DACH1: variants seen among roughly 807,000 people sequenced by gnomAD.
DACH1 encodes dachshund homolog 1.
A neutral mutation model predicts 54.2 loss-of-function variants in DACH1; 12 were observed. That is an observed-to-expected ratio of 0.22 (90% CI 0.14 to 0.36). DACH1 has a LOEUF of 0.36. Ranked by LOEUF, DACH1 falls within the 10% of genes least tolerant of loss-of-function variation. DACH1 has a pLI of 1.00. For missense variants in DACH1, 805 were observed against 929.8 expected (o/e 0.87, Z 1.75); for synonymous variants, 386 against 366.2 (o/e 1.05, Z -0.62).
chr13:71,763,625 G>C (rs1353526967), intron 1 of DACH1, among the ~76,000 whole-genome samples: 1 of 151,740 alleles, frequency 6.6e-6, no homozygotes, highest in East Asian at 1.9e-4. Flanking sequence ...AGCCTCCTAA[G>C]TAGCTAAGAC....
chr13:71,588,220 T>C (rs538883853), intron 3 of DACH1, among the ~76,000 whole-genome samples: 1 of 152,230 alleles, frequency 6.6e-6, no homozygotes, highest in South Asian at 2.1e-4. Context: ...ACTGCAGCTT[T>C]ATCACAGGAC....
At chr13:71,561,974 C>T (rs368363385) in intron 4 of DACH1, among the ~76,000 whole-genome samples, 2 of 148,904 alleles carry the variant, frequency 1.3e-5, no homozygotes, top group South Asian at 2.1e-4. Context: ...AAAAAAAAAG[C>T]GCTATAAGAA....
chr13:71,659,413 A>T (rs1011294275), intron 2 of DACH1, among the ~76,000 whole-genome samples: 1 of 152,182 alleles, frequency 6.6e-6, no homozygotes, highest in South Asian at 2.1e-4. Context: ...TGTATTTCCA[A>T]TGATGAAGTC....
chr13:71,783,211 C>G (rs1044787042), intron 1 of DACH1, among the ~76,000 whole-genome samples: 1 of 152,140 alleles, frequency 6.6e-6, no homozygotes, highest in Non-Finnish European at 1.5e-5. Flanking sequence ...CTAAAGATAG[C>G]TGTATTAGAT....
intron 10 of DACH1, among the ~76,000 whole-genome samples, chr13:71,464,897 C>T (rs1181192194): frequency 1.3e-5 from 2 of 151,998 alleles, no homozygotes; most frequent in East Asian, 3.9e-4. Flanking sequence ...AATGTGAGCT[C>T]ATTCTTGGAC....
At chr13:71,689,851 G>A (rs1022918950) in intron 1 of DACH1, among the ~76,000 whole-genome samples, 2 of 152,014 alleles carry the variant, frequency 1.3e-5, no homozygotes, top group East Asian at 1.9e-4. Flanking sequence ...TCTCGCCCTC[G>A]CCCTCGCCCC....
intron 10 of DACH1, among the ~76,000 whole-genome samples, chr13:71,459,305 A>G (rs1055871264): frequency 6.6e-6 from 1 of 151,946 alleles, no homozygotes; most frequent in Non-Finnish European, 1.5e-5. Context: ...AGAGTAGTAT[A>G]TTGATAGCAG....
chr13:71,472,697 CTGTG>C (rs577456626), intron 10 of DACH1, among the ~76,000 whole-genome samples: 1 of 152,096 alleles, frequency 6.6e-6, no homozygotes, highest in African/African-American at 2.4e-5. Flanking sequence ...GTGTGAGAGG[CTGTG>C]TGTGTGTCAT....
chr13:71,698,753 T>A (rs376591085), intron 1 of DACH1, among the ~76,000 whole-genome samples: 21 of 152,268 alleles, frequency 1.4e-4, no homozygotes, highest in African/African-American at 5.1e-4. Context: ...AGGCTATCAG[T>A]ATTTTCCTCT....
At chr13:71,681,467 G>A (rs978341213) in intron 2 of DACH1, among the ~76,000 whole-genome samples, 2 of 152,194 alleles carry the variant, frequency 1.3e-5, no homozygotes, top group African/African-American at 2.4e-5. Flanking sequence ...AGCTACAGCT[G>A]AGTGACCTTG....
chr13:71,595,344 G>A (rs1213616347), intron 3 of DACH1, among the ~76,000 whole-genome samples: 1 of 152,108 alleles, frequency 6.6e-6, no homozygotes, highest in African/African-American at 2.4e-5. Context: ...CACTGATTAT[G>A]AAATAGGAAG....
chr13:71,678,277 G>A (rs780465698), intron 2 of DACH1, among the ~76,000 whole-genome samples: 1 of 152,176 alleles, frequency 6.6e-6, no homozygotes, highest in Non-Finnish European at 1.5e-5. Context: ...ATTATAAAAT[G>A]TATTTAGGAT....
intron 1 of DACH1, among the ~76,000 whole-genome samples, chr13:71,778,071 G>A (rs1034805631): frequency 2.7e-5 from 4 of 150,552 alleles, no homozygotes; most frequent in Admixed American, 6.7e-5. Context: ...CAGCTTAGGC[G>A]ACAGAGTGAG....
intron 6 of DACH1, among the ~76,000 whole-genome samples, chr13:71,502,192 C>T (rs1294408856): frequency 1.3e-5 from 2 of 151,990 alleles, no homozygotes; most frequent in African/African-American, 4.8e-5. Context: ...TGACTTATTC[C>T]CTAAAACCAA....
chr13:71,741,682 C>T (rs1164810973), intron 1 of DACH1, among the ~76,000 whole-genome samples: 1 of 151,944 alleles, frequency 6.6e-6, no homozygotes, highest in Non-Finnish European at 1.5e-5. Flanking sequence ...ATAAAATAAA[C>T]TTATTAAACA....
rs73491949 is a variant in DACH1 at position 71,812,438 on chromosome 13, C to T, written c.848+53484G>A. Among the ~76,000 whole-genome samples, 613 of 152,200 alleles carry T rather than the reference C, an allele frequency of 4.0e-3. 1 individual carries two copies. Among genetic ancestry groups the T allele is most frequent in the African/African-American group, 0.014 (593 of 41,558 alleles). The stretch of plus-strand genomic sequence containing the variant: ...TATCTTGATGAATTCAGATTAGACA[C>T]ATTACCTTTATTCCAAAATTTTATG... On this transcript the variant is annotated intron_variant, in intron 1 of 10. Coordinates refer to ENST00000613252, the MANE Select transcript of DACH1 (RefSeq NM_080759.6).
rs990714555 is a variant in DACH1 at position 71,438,085 on chromosome 13, A to G, written c.*2570T>C. On this transcript the variant is annotated 3_prime_UTR_variant, in exon 11 of 11. Transcript: ENST00000613252. ...CAAATAACTAGGCTACCATAGAAAA[A>G]TTTCCAATTCTTGCATTATGATGTA... 6.6e-5 allele frequency: 10 copies of G among 152,516 alleles called. No homozygotes were observed. Among genetic ancestry groups the G allele is most frequent in the Middle Eastern group, 3.4e-3 (1 of 294 alleles). 9.4% of individuals were successfully genotyped at this position (152,516 alleles called of 1,614,324 possible). A position where few individuals can be genotyped will look rare whatever the true frequency, so the allele number is the denominator to read the frequency against.
chr13:71,713,948 A>C (rs1023185358), intron 1 of DACH1, among the ~76,000 whole-genome samples: 1 of 152,086 alleles, frequency 6.6e-6, no homozygotes, highest in African/African-American at 2.4e-5. Flanking sequence ...CAATATTAAG[A>C]AAAAATTAAT....
intron 6 of DACH1, among the ~76,000 whole-genome samples, chr13:71,532,197 G>A (rs963288196): frequency 6.6e-5 from 10 of 151,802 alleles, no homozygotes; most frequent in African/African-American, 2.2e-4. Context: ...ATTTTAGCTG[G>A]CAATAGTTCT....
Sources: gnomAD v4.1 joint callset for allele counts (sites outside exome capture counted in the v4.1 genomes callset) on GRCh38, gnomAD v4.1.1 for gene constraint, MANE v1.5 for transcripts, NCBI Gene and HGNC (gene_info 2026-07-23, HGNC 2026-07-21) for gene names.